The following BUB1 variants were observed in gnomAD, a reference collection of about 807,000 sequenced individuals.
BUB1 encodes the protein BUB1 mitotic checkpoint serine/threonine kinase.
BUB1 carries 84 observed loss-of-function variants against 135.2 expected under a neutral mutation model. The ratio of observed to expected loss-of-function variants is 0.62; its 90% CI spans 0.52 to 0.74. BUB1 has a LOEUF of 0.74. Among genes scored for constraint, BUB1 ranks in the 30% least tolerant of loss-of-function variants. The pLI, the probability that BUB1 is intolerant of heterozygous loss-of-function variation, is 0.00. For missense variants in BUB1, 1,162 were observed against 1,288.3 expected (o/e 0.90, Z 1.50); for synonymous variants, 403 against 434.4 (o/e 0.93, Z 0.90).
chr2:110,674,571 TCAGA>T (rs1690521277), intron 1 of BUB1, among the ~76,000 whole-genome samples: 1 of 152,240 alleles, frequency 6.6e-6, no homozygotes, highest in Non-Finnish European at 1.5e-5. Context: ...AAGCATTCGC[TCAGA>T]CATAGTCAGA....
chr2:110,672,119 C>T (rs1028085755), intron 4 of BUB1, among the ~76,000 whole-genome samples: 1 of 152,128 alleles, frequency 6.6e-6, no homozygotes, highest in East Asian at 1.9e-4. Flanking sequence ...CCCAGCTAGT[C>T]AAGAGGCTGA....
At chr2:110,667,396 G>T in intron 8 of BUB1, 125 bp downstream of exon 8, 1 of 1,038,832 alleles carries the variant, frequency 9.6e-7, no homozygotes, top group Non-Finnish European at 1.4e-6. Context: ...CTTCTGATAG[G>T]ATGAGATGAA....
In BUB1 at chr2:110,641,702, G is replaced by A. The variant is rs773509073; in HGVS notation, c.2565C>T (p.Ala855=). 1.5e-5 allele frequency: 24 copies of A among 1,612,938 alleles called. No homozygotes were observed. Among genetic ancestry groups the A allele is most frequent in the Non-Finnish European group, 2.0e-5 (24 of 1,179,848 alleles). The stretch of plus-strand genomic sequence containing the variant: ...ATACACTGCCATTCTGGAATAAGTG[G>A]GCAGAATAGAACTTCATAAACATGT... ...MQHMFMKFYS[A]HLFQNGSVLV... is the part of the protein sequence containing the mutation. Residue 855 remains alanine, a synonymous_variant, in exon 21 of 25, where the codon GCC becomes GCT. Transcript: ENST00000302759.
chr2:110,674,402 G>T (rs748428145), intron 1 of BUB1, 37 bp from the exon 2 acceptor site: 27 of 1,588,078 alleles, frequency 1.7e-5, no homozygotes, highest in Non-Finnish European at 2.0e-5. Context: ...GGATATTAGG[G>T]ATAATTTCTA....
At chr2:110,645,581 G>A (rs1471105648) in intron 19 of BUB1, among the ~76,000 whole-genome samples, 6 of 144,646 alleles carry the variant, frequency 4.1e-5, no homozygotes, top group South Asian at 2.1e-4. Context: ...ATGGCGTTAC[G>A]TGTATGTGTG....
rs760435653 is a variant in BUB1, at chr2:110,661,809, G to A, written c.990C>T (p.Gly330=). 1.2e-6 allele frequency: 2 copies of A among 1,612,818 alleles called. No homozygotes were observed. Among genetic ancestry groups the A allele is most frequent in the Non-Finnish European group, 1.7e-6 (2 of 1,179,380 alleles). ...VNPARMGPSV[G]SQQELRAPCL... ...ATGGCGCTCTCAGTTCCTGCTGGGA[G>A]CCTACACTTGGCCCCATACGTGCTG... is the stretch of plus-strand genomic sequence containing the variant. Residue 330 remains glycine (G), a synonymous_variant, in exon 10 of 25, where the codon GGC becomes GGT. Transcript: ENST00000302759.
At chr2:110,651,404 T>G (rs1322093034) in intron 17 of BUB1, among the ~76,000 whole-genome samples, 1 of 152,222 alleles carries the variant, frequency 6.6e-6, no homozygotes, top group Non-Finnish European at 1.5e-5. Flanking sequence ...AAAAAATTTT[T>G]TTAATGCTTA....
Position 110,672,835 on chromosome 2 carries a change from T to C in BUB1, c.248A>G (p.His83Arg), listed in dbSNP as rs1559175863. Residue 83 changes from histidine (H) to arginine (R), a missense_variant, in exon 4 of 25, where the codon CAT becomes CGT. Coordinates refer to ENST00000302759, the MANE Select transcript of BUB1 (RefSeq NM_004336.5). ...LKFAEYNSDL[H>R]QFFEFLYNHG... is the part of the protein sequence containing the mutation. The stretch of plus-strand genomic sequence containing the variant: ...GTTGTACAGAAACTCAAAAAATTGA[T>C]GGAGGTCACTGTTGTACTCAGCCTA... 6.2e-7 allele frequency: 1 copy of C among 1,608,500 alleles called. No individual in the cohort carries two copies. Among genetic ancestry groups the C allele is most frequent in the East Asian group, 2.2e-5 (1 of 44,818 alleles).
At chr2:110,670,662 A>G in intron 4 of BUB1, 94 bp from the exon 5 acceptor site, 2 of 1,267,692 alleles carry the variant, frequency 1.6e-6, no homozygotes, top group Non-Finnish European at 1.1e-6. Context: ...AACTTATTAT[A>G]AGCTAGTAAA....
chr2:110,674,100 A>T lies in BUB1; in HGVS notation c.211T>A (p.Tyr71Asn). 6.5e-7 allele frequency: 1 copy of T among 1,528,790 alleles called. No individual in the cohort carries two copies. Among genetic ancestry groups the T allele is most frequent in the Non-Finnish European group, 9.0e-7 (1 of 1,108,428 alleles). The allele number at this position is 1,528,790 out of a possible 1,614,324, so 94.7% of individuals were successfully genotyped here. ...AGTATACTTACAAATTTTAAACAAT[A>T]ACTGATGAATCTTGGGTCATTGTGG... is the stretch of plus-strand genomic sequence containing the variant. ...KYHNDPRFISYCLKFAEYNSD... is the reference protein window; with the variant it reads ...KYHNDPRFISNCLKFAEYNSD... Residue 71 changes from tyrosine to asparagine, a missense_variant, in exon 3 of 25, where the codon TAT (tyrosine) becomes AAT (asparagine). Physicochemically the swap from Tyr to Asn is moderately radical, Grantham distance 143. Coordinates refer to ENST00000302759, the MANE Select transcript of BUB1 (RefSeq NM_004336.5).
chr2:110,639,660 C>CT (rs112515450), intron 24 of BUB1, 82 bp downstream of exon 24: 21,657 of 990,216 alleles, frequency 0.022, 10 homozygotes, highest in Middle Eastern at 0.029. Flanking sequence ...GGCAGAGATC[C>CT]TTTTTTTTTT....
rs528710907 is a variant in BUB1 at position 110,637,890 on chromosome 2, GAAAA to G, written c.*70_*73del. On this transcript the variant is annotated 3_prime_UTR_variant, in exon 25 of 25. Transcript: ENST00000302759. ...ACAAACATTTACATAAACAATAAAT[GAAAA>G]AAAAACAGGTTTAAAGTGAGCAGAT... 4 of 997,794 alleles carry G rather than the reference GAAAA, an allele frequency of 4.0e-6. No individual in the cohort carries two copies. The highest frequency in any genetic ancestry group is 5.5e-6 in the Non-Finnish European group (4 of 731,330). The allele number at this position is 997,794 out of a possible 1,614,324, so 61.8% of individuals were successfully genotyped here.
rs543705849 is a variant in BUB1, at chr2:110,669,356, C to A, written c.567+97G>T. The stretch of plus-strand genomic sequence containing the variant: ...AGCTCAGAGCCATGAAGAGAAAGAT[C>A]AAAGAAATGAGATGTCAAAGTGGAT... On this transcript the variant is annotated intron_variant, in intron 6 of 24. Coordinates refer to ENST00000302759, the MANE Select transcript of BUB1 (RefSeq NM_004336.5). 2.1e-3 allele frequency: 1,773 copies of A among 851,588 alleles called. 3 individuals are homozygous for A. The highest frequency in any genetic ancestry group is 2.8e-3 in the Non-Finnish European group (1,433 of 507,000). 52.8% of individuals were successfully genotyped at this position (851,588 alleles called of 1,614,324 possible).
In BUB1 at chr2:110,669,434, C is replaced by T. The variant is rs180975327; in HGVS notation, c.567+19G>A. On this transcript the variant is annotated intron_variant, in intron 6 of 24. Transcript: ENST00000302759. ...ATACCATTCCCAGTTTCCACACAAG[C>T]TACAAATGTCATTATTACCTGATTC... 4 of 1,535,044 alleles carry T rather than the reference C, an allele frequency of 2.6e-6. No individual in the cohort carries two copies. Among genetic ancestry groups the T allele is most frequent in the Admixed American group, 3.3e-5 (2 of 59,872 alleles).
rs771265009 is a variant in BUB1 at position 110,667,828 on chromosome 2, T to C, written c.589A>G (p.Ile197Val). The C allele has an allele frequency of 1.7e-5, 27 of 1,613,308 alleles. No homozygotes were observed. Among genetic ancestry groups the C allele is most frequent in the East Asian group, 2.2e-5 (1 of 44,848 alleles). Residue 197 changes from isoleucine (I) to valine (V), a missense_variant, in exon 7 of 25, where the codon ATA (isoleucine) becomes GTA (valine). Ile to Val is a conservative substitution (Grantham distance 29). Coordinates refer to ENST00000302759, the MANE Select transcript of BUB1 (RefSeq NM_004336.5). ...GACTCTTTATCACAAGCTGAAGATA[T>C]CACTCCAGAAAGCTCTGAACCCTAA... ...KNQGSELSGVISSACDKESNM... is the reference protein window; with the variant it reads ...KNQGSELSGVVSSACDKESNM...
In BUB1 at chr2:110,666,274, C is replaced by T. The variant is rs1339454885; in HGVS notation, c.946G>A (p.Glu316Lys). The change falls in exon 9 of 25, where the codon GAA becomes AAA. Residue 316 changes from glutamate (E) to lysine (K), a missense_variant. Coordinates refer to ENST00000302759, the MANE Select transcript of BUB1 (RefSeq NM_004336.5). ...TSHEDLPASQERSEVNPARMG... is the reference protein window; with the variant it reads ...TSHEDLPASQKRSEVNPARMG... The stretch of plus-strand genomic sequence containing the variant: ...GGAGCACAACATACCTCGGACCTTT[C>T]CTGGGAAGCGGGCAGATCCTCATGG... 1 of 1,437,178 alleles carries T rather than the reference C, an allele frequency of 7.0e-7. No individual in the cohort carries two copies. Among genetic ancestry groups the T allele is most frequent in the South Asian group, 1.8e-5 (1 of 56,992 alleles). The allele number at this position is 1,437,178 out of a possible 1,614,324, so 89.0% of individuals were successfully genotyped here.
At chr2:110,641,542 CCCA>C in intron 21 of BUB1, 78 bp from the exon 22 acceptor site, 1 of 1,554,020 alleles carries the variant, frequency 6.4e-7, no homozygotes, top group Non-Finnish European at 8.7e-7. Context: ...TTTGCCCCTG[CCCA>C]CCACTCCACA....
intron 9 of BUB1, 110 bp downstream of exon 9, chr2:110,666,153 C>T: frequency 9.1e-7 from 1 of 1,093,592 alleles, no homozygotes; most frequent in East Asian, 3.0e-5. Flanking sequence ...CAGAAAGTTA[C>T]TAGCTAAATT....
At position 110,657,035 on chromosome 2, in the gene BUB1, C is replaced by A. The variant is rs139690067; in HGVS notation, c.1698+1G>T. ...TTCATAGATAAAACAGGTTTGTTTACCTTTGGTTTTGAAGGAAGTCTGCTG... is the reference window on the plus strand; with the variant it reads ...TTCATAGATAAAACAGGTTTGTTTAACTTTGGTTTTGAAGGAAGTCTGCTG... On this transcript the variant is annotated splice_donor_variant, in intron 15 of 24. Coordinates refer to ENST00000302759, the MANE Select transcript of BUB1 (RefSeq NM_004336.5). LOFTEE classifies it high-confidence loss of function. 25 of 1,610,864 alleles carry A rather than the reference C, an allele frequency of 1.6e-5. No individual in the cohort carries two copies. The highest frequency in any genetic ancestry group is 2.0e-5 in the Non-Finnish European group (23 of 1,178,228).
Sources: gnomAD v4.1 joint callset for allele counts (sites outside exome capture counted in the v4.1 genomes callset) on GRCh38, gnomAD v4.1.1 for gene constraint, MANE v1.5 for transcripts, NCBI Gene and HGNC (gene_info 2026-07-23, HGNC 2026-07-21) for gene names.